ANXA11: variants seen among roughly 807,000 people sequenced by gnomAD.
The protein encoded by ANXA11 is annexin A11, also known as 56 kDa autoantigen.
In ANXA11, 57 loss-of-function variants were observed where a neutral mutation model predicts 64.7. The ratio of observed to expected loss-of-function variants is 0.88; its 90% CI spans 0.71 to 1.10. The LOEUF is 1.10. Ranked by LOEUF, ANXA11 falls within the 50% of genes least tolerant of loss-of-function variation. ANXA11 has a pLI of 0.00. For synonymous variants in ANXA11, 260 were observed against 265.2 expected (o/e 0.98, Z 0.19); for missense variants, 675 against 670.7 (o/e 1.01, Z -0.07).
intron 1 of ANXA11, among the ~76,000 whole-genome samples, chr10:80,190,298 T>C (rs1483705988): frequency 1.0e-5 from 1 of 98,096 alleles, no homozygotes; most frequent in East Asian, 2.4e-4. Context: ...ACAAAAAGAG[T>C]TGCATGGTTT....
At chr10:80,193,105 GC>G (rs1366120361) in intron 1 of ANXA11, among the ~76,000 whole-genome samples, 1 of 152,172 alleles carries the variant, frequency 6.6e-6, no homozygotes, top group Non-Finnish European at 1.5e-5. Flanking sequence ...AGAAAATCAG[GC>G]CCCCAAGGAG....
At chr10:80,157,235 C>T (rs1017762723) in intron 15 of ANXA11, 13 of 985,338 alleles carry the variant, frequency 1.3e-5, no homozygotes, top group African/African-American at 8.7e-5. Context: ...TCGCTCTGAA[C>T]GGCCTTACTA....
rs1285123715 is a variant in ANXA11, at chr10:80,164,039, G to C, written c.949+14C>G. Reference sequence around the variant, plus strand: ...CAGAGGGCAGAGGGCAGAGGGCAGAGGGAGCGGCCTCACCTGCTTTGTAGG... The same window carrying C: ...CAGAGGGCAGAGGGCAGAGGGCAGACGGAGCGGCCTCACCTGCTTTGTAGG... On this transcript the variant is annotated intron_variant, in intron 9 of 15. Transcript: ENST00000422982. 3 of 1,610,876 alleles carry C rather than the reference G, an allele frequency of 1.9e-6. No homozygotes were observed. The highest frequency in any genetic ancestry group is 2.7e-5 in the African/African-American group (2 of 75,008).
At chr10:80,203,253 C>A (rs1245230028) in intron 1 of ANXA11, among the ~76,000 whole-genome samples, 1 of 152,068 alleles carries the variant, frequency 6.6e-6, no homozygotes, top group African/African-American at 2.4e-5. Flanking sequence ...GTCTCAACTC[C>A]CACTCCTGTC....
chr10:80,168,888 G>A (rs1211287646), intron 5 of ANXA11, 81 bp downstream of exon 5: 14 of 1,389,070 alleles, frequency 1.0e-5, no homozygotes, highest in Middle Eastern at 2.6e-4. Context: ...GCCTTTCCCT[G>A]TCTCCCCATC....
Position 80,163,519 on chromosome 10 carries a change from T to C in ANXA11, c.1029+15A>G, listed in dbSNP as rs757676174. 5 of 1,590,698 alleles carry C rather than the reference T, an allele frequency of 3.1e-6. No individual in the cohort carries two copies. In the South Asian group the frequency reaches 4.5e-5, roughly 14 times the overall value. ...CATGGCTTGGGGGCCCCGAGCCCTGTCGTGGGAAAAGTACCTGAGAGAGAG... is the reference window on the plus strand; with the variant it reads ...CATGGCTTGGGGGCCCCGAGCCCTGCCGTGGGAAAAGTACCTGAGAGAGAG... On this transcript the variant is annotated intron_variant, in intron 10 of 15. Coordinates refer to ENST00000422982, the MANE Select transcript of ANXA11 (RefSeq NM_145868.2).
intron 1 of ANXA11, among the ~76,000 whole-genome samples, chr10:80,187,449 T>C (rs1319914396): frequency 6.6e-6 from 1 of 152,200 alleles, no homozygotes; most frequent in African/African-American, 2.4e-5. Flanking sequence ...GCAATGTACT[T>C]CTGTTGTTTA....
Position 80,153,116 on chromosome 10 carries a change from C to T in ANXA11, c.*2737G>A, listed in dbSNP as rs1845185441. ...TCCTTGACCAAAGCACATCCATGTA[C>T]TTTACAACAGGTGGTCTCCAAGTGT... On this transcript the variant is annotated 3_prime_UTR_variant, in exon 16 of 16. Transcript: ENST00000422982. 6.6e-6 allele frequency: 1 copy of T among 152,226 alleles called. No individual in the cohort carries two copies. The highest frequency in any genetic ancestry group is 1.5e-5 in the Non-Finnish European group (1 of 68,054). The allele number at this position is 152,226 out of a possible 1,614,324, so 9.4% of individuals were successfully genotyped here.
intron 1 of ANXA11, among the ~76,000 whole-genome samples, chr10:80,186,318 C>T (rs1056868215): frequency 6.6e-6 from 1 of 151,824 alleles, no homozygotes; most frequent in African/African-American, 2.4e-5. Context: ...AGGAGAGAAA[C>T]ACGGAACTGG....
chr10:80,162,423 A>G (rs1266246649), intron 11 of ANXA11, among the ~76,000 whole-genome samples: 2 of 152,234 alleles, frequency 1.3e-5, no homozygotes, highest in African/African-American at 4.8e-5. Flanking sequence ...GAGACACTGA[A>G]TAAGGCAGAC....
chr10:80,195,356 A>G (rs73299551), intron 1 of ANXA11, among the ~76,000 whole-genome samples: 10,567 of 152,204 alleles, frequency 0.069, 547 homozygotes, highest in African/African-American at 0.13. Flanking sequence ...CTCACTCTGG[A>G]GGAGAAAACA....
intron 1 of ANXA11, among the ~76,000 whole-genome samples, chr10:80,196,415 G>C: frequency 6.6e-6 from 1 of 152,184 alleles, no homozygotes; most frequent in East Asian, 1.9e-4. Flanking sequence ...AGGAACCCCG[G>C]TGGACTCTGA....
chr10:80,173,042 G>C, intron 2 of ANXA11, 173 bp from the exon 3 acceptor site: 1 of 592,258 alleles, frequency 1.7e-6, no homozygotes, highest in Non-Finnish European at 3.0e-6. Flanking sequence ...GGTGCCTCCA[G>C]CTAGAAACAG....
At position 80,181,161 on chromosome 10, in the gene ANXA11, C is replaced by A. The variant is rs2573353; in HGVS notation, c.-57-5006G>T. Reference sequence around the variant, plus strand: ...CCTGCTGATATATTCTTTAAAATGACAAGATGAGGCCAGGCACAGTGGCCC... The same window carrying A: ...CCTGCTGATATATTCTTTAAAATGAAAAGATGAGGCCAGGCACAGTGGCCC... On this transcript the variant is annotated intron_variant, in intron 1 of 15. Coordinates refer to ENST00000422982, the MANE Select transcript of ANXA11 (RefSeq NM_145868.2). 96,184 of 152,196 alleles carry A rather than the reference C, an allele frequency of 0.63. 31,449 individuals are homozygous for A. Among genetic ancestry groups the A allele is most frequent in the African/African-American group, 0.8 (33,220 of 41,534 alleles). 9.4% of individuals were successfully genotyped at this position (152,196 alleles called of 1,614,324 possible).
chr10:80,185,581 T>G (rs1414569096), intron 1 of ANXA11, among the ~76,000 whole-genome samples: 1 of 152,258 alleles, frequency 6.6e-6, no homozygotes, highest in Admixed American at 6.5e-5. Flanking sequence ...TTTCCCAAAC[T>G]AATTAGGCCA....
intron 1 of ANXA11, among the ~76,000 whole-genome samples, chr10:80,182,773 G>A (rs1007239274): frequency 2.0e-5 from 3 of 152,098 alleles, no homozygotes; most frequent in Non-Finnish European, 2.9e-5. Context: ...TCTTCACTCC[G>A]GGAGAAGGCT....
At chr10:80,170,632 G>C (rs1488796837) in intron 4 of ANXA11, among the ~76,000 whole-genome samples, 168 bp downstream of exon 4, 1 of 152,200 alleles carries the variant, frequency 6.6e-6, no homozygotes, top group Non-Finnish European at 1.5e-5. Context: ...GCAGAGAGCA[G>C]GTGGCAGAAG....
At chr10:80,190,797 A>G (rs1452334231) in intron 1 of ANXA11, among the ~76,000 whole-genome samples, 1 of 144,942 alleles carries the variant, frequency 6.9e-6, no homozygotes, top group East Asian at 2.3e-4. Context: ...AAAATTTTTA[A>G]AGAAAACTAT....
intron 12 of ANXA11, among the ~76,000 whole-genome samples, chr10:80,160,603 C>T (rs1331811750): frequency 1.3e-5 from 2 of 152,108 alleles, no homozygotes; most frequent in Admixed American, 6.5e-5. Flanking sequence ...CCTTCCTCTG[C>T]GTCCTCCTCC....
Sources: gnomAD v4.1 joint callset for allele counts (sites outside exome capture counted in the v4.1 genomes callset) on GRCh38, gnomAD v4.1.1 for gene constraint, MANE v1.5 for transcripts, NCBI Gene and HGNC (gene_info 2026-07-23, HGNC 2026-07-21) for gene names.